Variants in CHCHD3 observed in about 807,000 individuals in gnomAD.
CHCHD3 encodes coiled-coil-helix-coiled-coil-helix domain containing 3.
In CHCHD3, 20 loss-of-function variants were observed where a neutral mutation model predicts 38.2. That is an observed-to-expected ratio of 0.52 (90% confidence interval 0.37 to 0.76). The LOEUF is 0.76. CHCHD3 is among the 30% of genes least tolerant of loss of function. The pLI, the probability that CHCHD3 is intolerant of heterozygous loss-of-function variation, is 0.00. For synonymous variants in CHCHD3, 82 were observed against 100.0 expected (o/e 0.82, Z 1.07); for missense variants, 245 against 279.2 (o/e 0.88, Z 0.87).
At position 133,020,548 on chromosome 7, in the gene CHCHD3, A is replaced by C. The variant is rs1391372104; in HGVS notation, c.251+3998T>G. 2.0e-5 allele frequency among the ~76,000 whole-genome samples: 3 copies of C among 152,206 alleles called. No homozygotes were observed. The East Asian group carries it at 5.8e-4, about 29-fold the overall frequency. Reference sequence around the variant, plus strand: ...CGAGCTGACAAATTTTATGGTCTGAAGTGTACATGGACTGCATTTTATCAA... The same window carrying C: ...CGAGCTGACAAATTTTATGGTCTGACGTGTACATGGACTGCATTTTATCAA... On this transcript the variant is annotated intron_variant, in intron 3 of 7. Transcript: ENST00000262570.
Position 133,035,139 on chromosome 7 carries a change from T to G in CHCHD3, c.170-10512A>C. The stretch of plus-strand genomic sequence containing the variant: ...CGCCTGCTCACATTCATCCATCTCC[T>G]CCTCAGGAGCAGGGGCAGCCGCCTT... On this transcript the variant is annotated intron_variant, in intron 2 of 7. Coordinates refer to ENST00000262570, the MANE Select transcript of CHCHD3 (RefSeq NM_017812.4). The surrounding 1 kb of genome is among the most constrained non-coding windows in gnomAD (Gnocchi z 4.7). 1 of 1,613,638 alleles carries G rather than the reference T, an allele frequency of 6.2e-7. No individual in the cohort carries two copies. Among genetic ancestry groups the G allele is most frequent in the Non-Finnish European group, 8.5e-7 (1 of 1,179,654 alleles).
At chr7:132,877,339 T>C (rs1290299302) in intron 5 of CHCHD3, among the ~76,000 whole-genome samples, 1 of 152,152 alleles carries the variant, frequency 6.6e-6, no homozygotes, top group African/African-American at 2.4e-5. Flanking sequence ...CCTACTATAC[T>C]GTATTGATAT....
In CHCHD3 at chr7:133,058,086, A is replaced by G. The variant is rs540891577; in HGVS notation, c.169+12056T>C. 2.6e-5 allele frequency among the ~76,000 whole-genome samples: 4 copies of G among 152,302 alleles called. No homozygotes were observed. The East Asian group carries it at 7.7e-4, about 29-fold the overall frequency. ...TTAAAGAAACATATTGTGCTCAATGAGTATCTTTGCTGTCCCACAAAATTA... is the reference window on the plus strand; with the variant it reads ...TTAAAGAAACATATTGTGCTCAATGGGTATCTTTGCTGTCCCACAAAATTA... On this transcript the variant is annotated intron_variant, in intron 2 of 7. Transcript: ENST00000262570.
intron 4 of CHCHD3, among the ~76,000 whole-genome samples, chr7:132,898,980 C>T (rs71535709): frequency 1.4e-4 from 22 of 152,210 alleles, no homozygotes; most frequent in African/African-American, 4.1e-4. Flanking sequence ...TTCCCGCTCG[C>T]GCCTCCCCCT....
chr7:132,855,478 T>C (rs1020474345), intron 5 of CHCHD3, among the ~76,000 whole-genome samples: 3 of 152,206 alleles, frequency 2.0e-5, no homozygotes, highest in African/African-American at 7.2e-5. Flanking sequence ...ATCTCAGATA[T>C]GAATTGGAGA....
At chr7:132,838,291 G>C in intron 6 of CHCHD3, 108 bp downstream of exon 6, 1 of 660,430 alleles carries the variant, frequency 1.5e-6, no homozygotes, top group Non-Finnish European at 2.5e-6. Context: ...ACTCTTCCAA[G>C]TATTCTAGAG....
intron 6 of CHCHD3, among the ~76,000 whole-genome samples, chr7:132,819,676 C>T (rs1190988760): frequency 6.6e-6 from 1 of 152,176 alleles, no homozygotes; most frequent in Non-Finnish European, 1.5e-5. Flanking sequence ...GTGACATAAA[C>T]ACACAGGGAA....
At chr7:133,011,801 T>C (rs1812880227) in intron 3 of CHCHD3, among the ~76,000 whole-genome samples, 1 of 152,218 alleles carries the variant, frequency 6.6e-6, no homozygotes, top group Non-Finnish European at 1.5e-5. Context: ...AAAAAATCTT[T>C]AAAAAATTAT....
At chr7:132,917,468 A>G (rs1006851862) in intron 4 of CHCHD3, among the ~76,000 whole-genome samples, 1 of 152,176 alleles carries the variant, frequency 6.6e-6, no homozygotes, top group East Asian at 1.9e-4. Flanking sequence ...TTCAACTGCA[A>G]TGTGGATCTT....
At chr7:132,986,543 G>C (rs1812129885) in intron 3 of CHCHD3, among the ~76,000 whole-genome samples, 1 of 152,094 alleles carries the variant, frequency 6.6e-6, no homozygotes, top group African/African-American at 2.4e-5. Flanking sequence ...TTATGTGATA[G>C]ATTAAAGGCG....
At position 132,963,694 on chromosome 7, in the gene CHCHD3, T is replaced by TACACACAC. The variant is rs71178068; in HGVS notation, c.369+11467_369+11474dup. ...TTACCCTATGCAACACAAACGATTA[T>TACACACAC]ACACACACACACACACACATAATCT... On this transcript the variant is annotated intron_variant, in intron 4 of 7. Coordinates refer to ENST00000262570, the MANE Select transcript of CHCHD3 (RefSeq NM_017812.4). Among the ~76,000 whole-genome samples, 628 of 148,904 alleles carry TACACACAC rather than the reference T, an allele frequency of 4.2e-3. 6 individuals are homozygous for TACACACAC. The highest frequency in any genetic ancestry group is 6.0e-3 in the South Asian group (28 of 4,672).
intron 2 of CHCHD3, among the ~76,000 whole-genome samples, chr7:133,069,041 T>G (rs549031579): frequency 2.0e-5 from 3 of 151,644 alleles, no homozygotes; most frequent in Admixed American, 2.0e-4. Context: ...GATTACTTAG[T>G]AGAAATCAAC....
At chr7:132,876,346 GT>G (rs1224888482) in intron 5 of CHCHD3, among the ~76,000 whole-genome samples, 1 of 152,172 alleles carries the variant, frequency 6.6e-6, no homozygotes, top group Non-Finnish European at 1.5e-5. Flanking sequence ...AGTAAAGTGA[GT>G]AAATAATTGT....
intron 5 of CHCHD3, among the ~76,000 whole-genome samples, chr7:132,847,913 A>G (rs1808121600): frequency 6.6e-6 from 1 of 152,204 alleles, no homozygotes; most frequent in South Asian, 2.1e-4. Flanking sequence ...GGGCATGACT[A>G]TGTAACACAT....
Position 132,854,172 on chromosome 7 carries a change from T to C in CHCHD3, c.454-15703A>G, listed in dbSNP as rs76800223. Among the ~76,000 whole-genome samples the C allele has an allele frequency of 1.6e-4, 25 of 152,310 alleles. 1 individual carries two copies. The East Asian group carries it at 4.2e-3, about 26-fold the overall frequency. ...CTCAAAGGCTTCATGTCTGGAAATA[T>C]GTGAAATAATCATGAATGTATACAA... On this transcript the variant is annotated intron_variant, in intron 5 of 7. Transcript: ENST00000262570.
At chr7:132,951,314 C>T (rs1811031525) in intron 4 of CHCHD3, among the ~76,000 whole-genome samples, 1 of 152,094 alleles carries the variant, frequency 6.6e-6, no homozygotes, top group Non-Finnish European at 1.5e-5. Context: ...GAAATAGAGT[C>T]CCTGGCTTTA....
intron 1 of CHCHD3, 34 bp from the exon 2 acceptor site, chr7:133,070,263 A>G: frequency 6.4e-7 from 1 of 1,573,984 alleles, no homozygotes; most frequent in Non-Finnish European, 8.7e-7. Context: ...AATCAATTAT[A>G]AAACAGCAAG....
intron 5 of CHCHD3, among the ~76,000 whole-genome samples, chr7:132,872,342 G>T (rs545566362): frequency 6.6e-6 from 1 of 152,172 alleles, no homozygotes; most frequent in South Asian, 2.1e-4. Flanking sequence ...CAAGCTAAGC[G>T]TGCTGGGCTG....
At chr7:132,805,336 C>T (rs977938391) in intron 6 of CHCHD3, among the ~76,000 whole-genome samples, 5 of 149,146 alleles carry the variant, frequency 3.4e-5, no homozygotes, top group Admixed American at 1.3e-4. Flanking sequence ...AAGGGGTAGT[C>T]TGGGGGGGTT....
Sources: allele counts gnomAD v4.1 joint callset (sites outside exome capture counted in the v4.1 genomes callset), GRCh38; gene constraint gnomAD v4.1.1; non-coding constraint Gnocchi (gnomAD v3.1); transcripts MANE v1.5; gene names NCBI Gene and HGNC (gene_info 2026-07-23, HGNC 2026-07-21).